The following ST6GALNAC5 variants were observed in gnomAD, a reference collection of about 807,000 sequenced individuals.
The protein encoded by ST6GALNAC5 is ST6 N-acetylgalactosaminide alpha-2,6-sialyltransferase 5.
ST6GALNAC5 carries 27 observed loss-of-function variants against 33.6 expected under a neutral mutation model. The observed-to-expected ratio is 0.80, with a 90% CI of 0.59 to 1.11. The LOEUF (loss-of-function observed/expected upper bound fraction) is 1.11, where lower values mean the gene tolerates loss of function less well. ST6GALNAC5 is among the 50% of genes least tolerant of loss of function. The pLI is 0.00. For synonymous variants in ST6GALNAC5, 194 were observed against 171.2 expected, an observed-to-expected ratio of 1.13 and a Z score of -1.04; for missense variants, 428 against 454.0, an observed-to-expected ratio of 0.94 and a Z score of 0.52.
At chr1:77,017,567 G>A (rs1232014111) in intron 2 of ST6GALNAC5, among the ~76,000 whole-genome samples, 1 of 152,148 alleles carries the variant, frequency 6.6e-6, no homozygotes, top group African/African-American at 2.4e-5. Context: ...AGTTTTCAAG[G>A]GAGGCCAAAG....
chr1:76,910,326 G>A (rs751075847), intron 2 of ST6GALNAC5, among the ~76,000 whole-genome samples: 1 of 151,882 alleles, frequency 6.6e-6, no homozygotes, highest in African/African-American at 2.4e-5. Flanking sequence ...TAGAAAACGC[G>A]GGTGGTGATA....
At chr1:76,928,150 T>C (rs1367271832) in intron 2 of ST6GALNAC5, among the ~76,000 whole-genome samples, 3 of 152,110 alleles carry the variant, frequency 2.0e-5, no homozygotes, top group Non-Finnish European at 4.4e-5. Flanking sequence ...CCAGTCAGGG[T>C]GAAATATAGT....
At position 76,944,277 on chromosome 1, in the gene ST6GALNAC5, C is replaced by T. The variant is rs1047033297; in HGVS notation, c.261+75535C>T. ...GAGAGAATAGATGGTTATTATACCA[C>T]TTACGCAGCTAACAGTTTGTAGGTC... On this transcript the variant is annotated intron_variant, in intron 2 of 4. Transcript: ENST00000477717. 2.0e-5 allele frequency among the ~76,000 whole-genome samples: 3 copies of T among 152,064 alleles called. No homozygotes were observed. The East Asian group carries it at 5.8e-4, about 29-fold the overall frequency.
chr1:76,942,846 A>G (rs1267576781), intron 2 of ST6GALNAC5, among the ~76,000 whole-genome samples: 2 of 152,124 alleles, frequency 1.3e-5, no homozygotes, highest in East Asian at 1.9e-4. Flanking sequence ...ATCCAGCTGC[A>G]TATCTAGACA....
In ST6GALNAC5 at chr1:76,867,661, A is replaced by G. The variant is rs1011546473; in HGVS notation, c.-15A>G. 6.8e-6 allele frequency: 11 copies of G among 1,614,066 alleles called. No individual in the cohort carries two copies. Among genetic ancestry groups the G allele is most frequent in the Non-Finnish European group, 9.3e-6 (11 of 1,180,002 alleles). ...CGCGCGAGCCTGAGGATTCTGCACA[A>G]AAGAGGTGCCCAAAATGAAGACCCT... On this transcript the variant is annotated 5_prime_UTR_variant, in exon 1 of 5. Transcript: ENST00000477717.
chr1:76,970,327 C>T (rs183919026), intron 2 of ST6GALNAC5, among the ~76,000 whole-genome samples: 118 of 151,888 alleles, frequency 7.8e-4, no homozygotes, highest in Non-Finnish European at 4.7e-4. Context: ...AGATGAATGG[C>T]TAACTCGAAT....
rs57217493 is a variant in ST6GALNAC5, at chr1:76,872,120, A to AC, written c.261+3379dup. ...ACACACACACACACACACACACACCACACACATTAAATCAAGAAATACTCA... is the reference window on the plus strand; with the variant it reads ...ACACACACACACACACACACACACCACCACACATTAAATCAAGAAATACTCA... On this transcript the variant is annotated intron_variant, in intron 2 of 4. Coordinates refer to ENST00000477717, the MANE Select transcript of ST6GALNAC5 (RefSeq NM_030965.3). 6.6e-3 allele frequency among the ~76,000 whole-genome samples: 841 copies of AC among 128,048 alleles called. 6 individuals are homozygous for AC. The highest frequency in any genetic ancestry group is 0.027 in the African/African-American group (795 of 29,508). 84.0% of individuals were successfully genotyped at this position (128,048 alleles called of 152,430 possible).
At chr1:77,009,570 T>C (rs1000756604) in intron 2 of ST6GALNAC5, among the ~76,000 whole-genome samples, 1 of 152,102 alleles carries the variant, frequency 6.6e-6, no homozygotes, top group Admixed American at 6.5e-5. Context: ...CTGAGTTACA[T>C]GAGCGACATC....
intron 2 of ST6GALNAC5, among the ~76,000 whole-genome samples, chr1:76,976,249 G>A (rs1466770242): frequency 6.6e-6 from 1 of 152,044 alleles, no homozygotes; most frequent in Non-Finnish European, 1.5e-5. Flanking sequence ...AATAATTCAT[G>A]GAGTTTTACA....
Position 77,044,374 on chromosome 1 carries a change from C to T in ST6GALNAC5, c.432C>T (p.Ile144=). 3 of 1,613,862 alleles carry T rather than the reference C, an allele frequency of 1.9e-6. No homozygotes were observed. Among genetic ancestry groups the T allele is most frequent in the Non-Finnish European group, 2.5e-6 (3 of 1,179,984 alleles). The part of the protein sequence containing the change: ...DVGNRTSLRV[I]AHSSIQRILR... ...GCAATCGCACCAGCCTGAGGGTCATCGCGCATTCCAGCATCCAGAGGATCC... is the reference window on the plus strand; with the variant it reads ...GCAATCGCACCAGCCTGAGGGTCATTGCGCATTCCAGCATCCAGAGGATCC... The change falls in exon 3 of 5, where the codon ATC becomes ATT. Residue 144 remains isoleucine, a synonymous_variant. Coordinates refer to ENST00000477717, the MANE Select transcript of ST6GALNAC5 (RefSeq NM_030965.3).
Position 76,867,615 on chromosome 1 carries a change from C to A in ST6GALNAC5, c.-61C>A. ...CCCCATTACCCATCATGGAAACCCT[C>A]CAGGAAAAAGTGGCCCCGGACGCGC... On this transcript the variant is annotated 5_prime_UTR_variant, in exon 1 of 5. Transcript: ENST00000477717. 6.2e-7 allele frequency: 1 copy of A among 1,614,002 alleles called. No homozygotes were observed.
At chr1:77,001,089 G>T (rs13090984) in intron 2 of ST6GALNAC5, among the ~76,000 whole-genome samples, 13 of 152,056 alleles carry the variant, frequency 8.5e-5, no homozygotes, top group Non-Finnish European at 1.6e-4. Context: ...GGCCAGTATG[G>T]TCATGTTCAC....
At chr1:76,977,646 G>C (rs12731328) in intron 2 of ST6GALNAC5, among the ~76,000 whole-genome samples, 1 of 151,924 alleles carries the variant, frequency 6.6e-6, no homozygotes, top group Non-Finnish European at 1.5e-5. Flanking sequence ...ATAGAATTTC[G>C]TTCTGTTTTA....
intron 2 of ST6GALNAC5, among the ~76,000 whole-genome samples, chr1:77,029,134 A>G (rs1651356515): frequency 6.6e-6 from 1 of 152,216 alleles, no homozygotes; most frequent in South Asian, 2.1e-4. Flanking sequence ...ACAGAAGATC[A>G]TTACGTTGGA....
chr1:77,005,027 G>A lies in ST6GALNAC5; in HGVS notation c.262-39177G>A, dbSNP rs373698554. On this transcript the variant is annotated intron_variant, in intron 2 of 4. Coordinates refer to ENST00000477717, the MANE Select transcript of ST6GALNAC5 (RefSeq NM_030965.3). ...AGCTGTGGTGGGCTCCACCCAGTTC[G>A]AGCTTCCTGGCTGCTTTGTTTACCT... 4.0e-5 allele frequency among the ~76,000 whole-genome samples: 6 copies of A among 151,302 alleles called. No individual in the cohort carries two copies. In the South Asian group the frequency reaches 1.3e-3, roughly 32 times the overall value.
chr1:76,942,288 A>C (rs952280007), intron 2 of ST6GALNAC5, among the ~76,000 whole-genome samples: 12 of 152,098 alleles, frequency 7.9e-5, no homozygotes, highest in African/African-American at 2.9e-4. Context: ...GGTTTTAGTT[A>C]TTTCAATTAG....
In ST6GALNAC5 at chr1:76,867,515, C is replaced by G; in HGVS notation, c.-161C>G. ...CTGTCTCTAATCTCTGCAACAGCCG[C>G]GCTTCCCGGGTCCCGCGGCTCCCGC... On this transcript the variant is annotated 5_prime_UTR_variant, in exon 1 of 5. Coordinates refer to ENST00000477717, the MANE Select transcript of ST6GALNAC5 (RefSeq NM_030965.3). 1 of 1,049,336 alleles carries G rather than the reference C, an allele frequency of 9.5e-7. No homozygotes were observed. Among genetic ancestry groups the G allele is most frequent in the Non-Finnish European group, 1.5e-6 (1 of 672,756 alleles). The allele number at this position is 1,049,336 out of a possible 1,614,324, so 65.0% of individuals were successfully genotyped here.
intron 2 of ST6GALNAC5, among the ~76,000 whole-genome samples, chr1:77,038,847 T>C (rs993680224): frequency 1.4e-4 from 22 of 152,122 alleles, no homozygotes; most frequent in African/African-American, 4.8e-4. Context: ...TTATTTTAGG[T>C]ATGTTTGGGG....
intron 2 of ST6GALNAC5, among the ~76,000 whole-genome samples, chr1:76,953,663 A>G (rs911903846): frequency 6.6e-6 from 1 of 152,082 alleles, no homozygotes; most frequent in African/African-American, 2.4e-5. Flanking sequence ...TTGCAGCATA[A>G]AAGTTTCAAA....
Sources: allele counts gnomAD v4.1 joint callset (sites outside exome capture counted in the v4.1 genomes callset), GRCh38; gene constraint gnomAD v4.1.1; transcripts MANE v1.5; gene names NCBI Gene and HGNC (gene_info 2026-07-23, HGNC 2026-07-21).